The following RAB38 variants were observed in gnomAD, a reference collection of about 807,000 sequenced individuals.
RAB38 encodes RAB38, member RAS oncogene family.
Under a neutral mutation model 18.4 loss-of-function variants are expected in RAB38, and 15 were observed. The ratio of observed to expected loss-of-function variants is 0.82; its 90% confidence interval spans 0.55 to 1.26. The LOEUF (loss-of-function observed/expected upper bound fraction) is 1.26. Among genes scored for constraint, RAB38 ranks in the 50% most tolerant of loss-of-function variants. RAB38 has a pLI of 0.00. For missense variants in RAB38, 294 were observed against 267.4 expected (o/e 1.10, Z -0.69); for synonymous variants, 101 against 104.4 (o/e 0.97, Z 0.20).
chr11:87,851,156 T>C, the RAB38 span, among the ~76,000 whole-genome samples: 1 of 152,190 alleles, frequency 6.6e-6, no homozygotes, highest in Non-Finnish European at 1.5e-5. Context: ...ATGAGTATAA[T>C]AATTAGACAC....
chr11:88,109,825 C>G (rs1002403590), downstream of RAB38, among the ~76,000 whole-genome samples: 5 of 152,186 alleles, frequency 3.3e-5, no homozygotes, highest in Non-Finnish European at 5.9e-5. Flanking sequence ...GAGATACCAT[C>G]TAATGCCAGT....
At chr11:87,847,677 G>T in the RAB38 span, among the ~76,000 whole-genome samples, 2 of 152,036 alleles carry the variant, frequency 1.3e-5, no homozygotes, top group Admixed American at 6.6e-5. Flanking sequence ...AGCAGAACAA[G>T]ACTCATGCAC....
At chr11:87,859,251 G>T in the RAB38 span, among the ~76,000 whole-genome samples, 19 of 151,814 alleles carry the variant, frequency 1.3e-4, no homozygotes, top group Admixed American at 1.1e-3. Context: ...CAATTACAAA[G>T]AAATAATTAG....
chr11:87,909,505 T>C, the RAB38 span, among the ~76,000 whole-genome samples: 15 of 152,080 alleles, frequency 9.9e-5, no homozygotes, highest in Non-Finnish European at 1.5e-5. Context: ...ATAATTGACA[T>C]ACTATATATA....
the RAB38 span, among the ~76,000 whole-genome samples, chr11:87,869,874 A>T: frequency 6.6e-6 from 1 of 151,696 alleles, no homozygotes; most frequent in African/African-American, 2.4e-5. Context: ...CCTGTTGCCA[A>T]TCAAAGCAAC....
downstream of RAB38, among the ~76,000 whole-genome samples, chr11:88,109,996 G>A (rs1180793816): frequency 6.6e-6 from 1 of 152,180 alleles, no homozygotes; most frequent in Non-Finnish European, 1.5e-5. Context: ...AATACCATTT[G>A]ACCCAGCAAT....
intron 2 of RAB38, among the ~76,000 whole-genome samples, chr11:88,114,950 A>G (rs868063999): frequency 6.6e-6 from 1 of 152,240 alleles, no homozygotes; most frequent in Non-Finnish European, 1.5e-5. Context: ...CCAGATGGAT[A>G]TAACTCCTCA....
the RAB38 span, among the ~76,000 whole-genome samples, chr11:87,825,270 G>C: frequency 6.6e-6 from 1 of 152,086 alleles, no homozygotes; most frequent in Non-Finnish European, 1.5e-5. Flanking sequence ...AGAAAGGAAG[G>C]AGTTCAGAAA....
At chr11:87,953,854 T>C in the RAB38 span, among the ~76,000 whole-genome samples, 1 of 150,748 alleles carries the variant, frequency 6.6e-6, no homozygotes, top group Admixed American at 6.6e-5. Context: ...TGTGTTTTAG[T>C]GTTTTTTTTT....
chr11:88,086,420 C>T, the RAB38 span, among the ~76,000 whole-genome samples: 5,029 of 151,936 alleles, frequency 0.033, 227 homozygotes, highest in South Asian at 0.073. Flanking sequence ...ACCACTTTCT[C>T]CTCTGTCCCT....
At chr11:88,026,629 C>A in the RAB38 span, among the ~76,000 whole-genome samples, 1 of 150,708 alleles carries the variant, frequency 6.6e-6, no homozygotes, top group African/African-American at 2.4e-5. Context: ...CCGCCCGCCT[C>A]AGCCTCCCAA....
At chr11:88,097,247 A>T in the RAB38 span, among the ~76,000 whole-genome samples, 2 of 151,836 alleles carry the variant, frequency 1.3e-5, no homozygotes, top group African/African-American at 2.4e-5. Flanking sequence ...TTCAAGTCCA[A>T]CTCCAGATGC....
At chr11:87,966,663 A>C in the RAB38 span, among the ~76,000 whole-genome samples, 2 of 152,208 alleles carry the variant, frequency 1.3e-5, no homozygotes, top group African/African-American at 2.4e-5. Context: ...ACAAGGTACC[A>C]GATGACTGGC....
the RAB38 span, among the ~76,000 whole-genome samples, chr11:87,955,371 G>A: frequency 1.1e-4 from 17 of 152,134 alleles, no homozygotes; most frequent in South Asian, 4.1e-4. Flanking sequence ...TGCTGGAAGC[G>A]GGAGGGGTAA....
At chr11:88,150,476 T>G (rs1555011296) in intron 1 of RAB38, among the ~76,000 whole-genome samples, 1 of 152,160 alleles carries the variant, frequency 6.6e-6, no homozygotes, top group Non-Finnish European at 1.5e-5. Flanking sequence ...AGATTATATT[T>G]TAATGGGAAG....
the RAB38 span, among the ~76,000 whole-genome samples, chr11:88,014,835 G>A: frequency 0.19 from 28,604 of 151,974 alleles, 3,966 homozygotes; most frequent in East Asian, 0.52. Context: ...CAACCCTCAG[G>A]GCACTACTGG....
At chr11:88,069,360 C>A in the RAB38 span, among the ~76,000 whole-genome samples, 83 of 152,346 alleles carry the variant, frequency 5.4e-4, no homozygotes, top group African/African-American at 1.9e-3. Flanking sequence ...GTGGCCCAAG[C>A]CTCCCCGACG....
chr11:87,951,495 CTGCTCTGTTTTTTTT>C, the RAB38 span, among the ~76,000 whole-genome samples: 1 of 144,992 alleles, frequency 6.9e-6, no homozygotes, highest in Admixed American at 7.0e-5. Flanking sequence ...TCTGGTTTTT[CTGCTCTGTTTTTTTT>C]TTCCCATCTT....
At chr11:87,805,257 CAT>C in the RAB38 span, among the ~76,000 whole-genome samples, 1 of 152,058 alleles carries the variant, frequency 6.6e-6, no homozygotes, top group Non-Finnish European at 1.5e-5. Flanking sequence ...TACTTCCATC[CAT>C]ATGTGCAACT....
Sources: gnomAD v4.1 joint callset for allele counts (sites outside exome capture counted in the v4.1 genomes callset) on GRCh38, gnomAD v4.1.1 for gene constraint, MANE v1.5 for transcripts, NCBI Gene and HGNC (gene_info 2026-07-23, HGNC 2026-07-21) for gene names.